Variants in IKZF1 observed in about 807,000 individuals in gnomAD.
The protein encoded by IKZF1 is DNA-binding protein Ikaros.
In IKZF1, 10 loss-of-function variants were observed where a neutral mutation model predicts 51.7. The observed-to-expected ratio is 0.19, with a 90% CI of 0.12 to 0.33. IKZF1 has a LOEUF of 0.33. Among genes scored for constraint, IKZF1 ranks in the 10% least tolerant of loss-of-function variants. The pLI is 1.00. For missense variants in IKZF1, 484 were observed against 707.5 expected (o/e 0.68, Z 3.58); for synonymous variants, 280 against 282.3 (o/e 0.99, Z 0.08).
At chr7:50,361,109 TATC>T (rs1404618681) in intron 3 of IKZF1, among the ~76,000 whole-genome samples, 6 of 152,252 alleles carry the variant, frequency 3.9e-5, no homozygotes, top group Admixed American at 6.5e-5. Flanking sequence ...AGAGCCTTCC[TATC>T]TAATCATTGT....
At chr7:50,349,341 G>A (rs757691639) in intron 3 of IKZF1, among the ~76,000 whole-genome samples, 1 of 152,206 alleles carries the variant, frequency 6.6e-6, no homozygotes, top group Non-Finnish European at 1.5e-5. Flanking sequence ...AGTAAGGAAG[G>A]TGAATAAGAA....
chr7:50,404,479 G>A lies in IKZF1; in HGVS notation c.*3852G>A. 1 of 229,918 alleles carries A rather than the reference G, an allele frequency of 4.3e-6. No individual in the cohort carries two copies. The highest frequency in any genetic ancestry group is 8.6e-6 in the Non-Finnish European group (1 of 115,864). 14.2% of individuals were successfully genotyped at this position (229,918 alleles called of 1,614,324 possible). ...TGAAGTCCACACTGGCGTAAGAGAA[G>A]GCCCAGCAGAGCAGGAATCTGCCTA... On this transcript the variant is annotated 3_prime_UTR_variant, in exon 8 of 8. Coordinates refer to ENST00000331340, the MANE Select transcript of IKZF1 (RefSeq NM_006060.6).
chr7:50,399,862 A>G, intron 7 of IKZF1, 56 bp from the exon 8 acceptor site: 1 of 1,551,260 alleles, frequency 6.4e-7, no homozygotes, highest in South Asian at 1.2e-5. Context: ...TTGCTGCCAG[A>G]CCTGACCGGT....
Position 50,400,897 on chromosome 7 carries a change from C to T in IKZF1, c.*270C>T, listed in dbSNP as rs958774267. The T allele has an allele frequency of 2.0e-6, 1 of 508,288 alleles. No homozygotes were observed. Among genetic ancestry groups the T allele is most frequent in the Non-Finnish European group, 3.5e-6 (1 of 287,048 alleles). 31.5% of individuals were successfully genotyped at this position (508,288 alleles called of 1,614,324 possible). On this transcript the variant is annotated 3_prime_UTR_variant, in exon 8 of 8. Coordinates refer to ENST00000331340, the MANE Select transcript of IKZF1 (RefSeq NM_006060.6). This position sits in a 1 kb window ranked among gnomAD's most constrained non-coding sequence, Gnocchi z 5.4. The stretch of plus-strand genomic sequence containing the variant: ...TTTCCCCAGACCGCTGGCTGAGATT[C>T]CCTCACCTGTCGCTTCCTAGAATCC...
chr7:50,311,551 A>G (rs1584378890), intron 1 of IKZF1, among the ~76,000 whole-genome samples: 1 of 152,216 alleles, frequency 6.6e-6, no homozygotes, highest in Non-Finnish European at 1.5e-5. Context: ...AGATCTAAAT[A>G]ATTTTACTTC....
At chr7:50,381,566 G>A (rs1439632288) in intron 4 of IKZF1, among the ~76,000 whole-genome samples, 1 of 152,210 alleles carries the variant, frequency 6.6e-6, no homozygotes, top group African/African-American at 2.4e-5. Flanking sequence ...GTCAGCTCCA[G>A]AATGGAGACA....
chr7:50,375,301 G>A (rs922987632), intron 3 of IKZF1, among the ~76,000 whole-genome samples: 10 of 152,154 alleles, frequency 6.6e-5, no homozygotes, highest in Non-Finnish European at 1.3e-4. Flanking sequence ...GTGCACACCT[G>A]TAGTCACAAC....
chr7:50,346,571 C>A (rs1053296480), intron 3 of IKZF1, among the ~76,000 whole-genome samples: 4 of 152,180 alleles, frequency 2.6e-5, no homozygotes, highest in African/African-American at 9.7e-5. Flanking sequence ...TTGCTGGTCT[C>A]ACTCTTCCCT....
intron 3 of IKZF1, among the ~76,000 whole-genome samples, chr7:50,370,693 C>T (rs917509843): frequency 3.3e-5 from 5 of 152,218 alleles, no homozygotes; most frequent in Non-Finnish European, 7.3e-5. Context: ...GGGCTCTTGT[C>T]CATTATCTCT....
intron 3 of IKZF1, among the ~76,000 whole-genome samples, chr7:50,344,214 A>G (rs1195327975): frequency 6.6e-6 from 1 of 152,248 alleles, no homozygotes; most frequent in African/African-American, 2.4e-5. Flanking sequence ...TTTCCTAAGT[A>G]TATGACATGT....
chr7:50,376,753 C>T lies in IKZF1; in HGVS notation c.381C>T (p.Ile127=), dbSNP rs1358802263. ...GTGATATCTGTGGGATCATTTGCAT[C>T]GGGCCCAATGTGCTCATGGTTCACA... The part of the protein sequence containing the change: ...LKCDICGIIC[I]GPNVLMVHKR... The change falls in exon 4 of 8, where the codon ATC becomes ATT. Residue 127 remains isoleucine (I), a synonymous_variant. Coordinates refer to ENST00000331340, the MANE Select transcript of IKZF1 (RefSeq NM_006060.6). The surrounding 1 kb of genome is among the most constrained non-coding windows in gnomAD (Gnocchi z 4.5). The T allele has an allele frequency of 5.0e-6, 8 of 1,613,914 alleles. No individual in the cohort carries two copies. Among genetic ancestry groups the T allele is most frequent in the Admixed American group, 1.7e-5 (1 of 60,008 alleles).
rs2153501286 is a variant in IKZF1, at chr7:50,391,834, G to A, written c.821G>A (p.Arg274His). ...LDRLASNVAK[R>H]KSSMPQKFLG... ...AGACTAGCAAGTAACGTCGCCAAAC[G>A]TAAGAGCTCTATGCCTCAGAAATTT... The change falls in exon 7 of 8, where the codon CGT becomes CAT. Residue 274 changes from arginine (R) to histidine (H), a missense_variant. This residue lies in a region of IKZF1 where 172 missense variants were observed against 192.7 expected (regional missense o/e 0.89). Coordinates refer to ENST00000331340, the MANE Select transcript of IKZF1 (RefSeq NM_006060.6). 1.2e-6 allele frequency: 2 copies of A among 1,613,742 alleles called. No homozygotes were observed. Among genetic ancestry groups the A allele is most frequent in the Non-Finnish European group, 1.7e-6 (2 of 1,179,786 alleles).
chr7:50,404,939 G>A lies in IKZF1; in HGVS notation c.*4312G>A. ...CCCGAGGAGTGGGGTAAATTTAAAA[G>A]TCAAGTTATAGTTTGGATGTTAGTA... On this transcript the variant is annotated 3_prime_UTR_variant, in exon 8 of 8. Transcript: ENST00000331340. 1 of 212,212 alleles carries A rather than the reference G, an allele frequency of 4.7e-6. No homozygotes were observed. Among genetic ancestry groups the A allele is most frequent in the Non-Finnish European group, 9.5e-6 (1 of 104,846 alleles). The allele number at this position is 212,212 out of a possible 1,614,324, so 13.1% of individuals were successfully genotyped here. A position where few individuals can be genotyped will look rare whatever the true frequency, so the allele number is the denominator to read the frequency against.
At chr7:50,345,699 A>T (rs1358253040) in intron 3 of IKZF1, among the ~76,000 whole-genome samples, 1 of 152,232 alleles carries the variant, frequency 6.6e-6, no homozygotes, top group Non-Finnish European at 1.5e-5. Context: ...AAGAAAAAAA[A>T]GGTAAAAGAT....
At chr7:50,359,444 A>G (rs936085433) in intron 3 of IKZF1, among the ~76,000 whole-genome samples, 6 of 152,064 alleles carry the variant, frequency 3.9e-5, no homozygotes, top group Admixed American at 3.3e-4. Context: ...AGGCGGGGGA[A>G]TGTGCGCAGA....
chr7:50,393,607 G>C (rs1204829307), intron 7 of IKZF1, among the ~76,000 whole-genome samples: 1 of 152,230 alleles, frequency 6.6e-6, no homozygotes, highest in Non-Finnish European at 1.5e-5. Context: ...GCCACTGGCT[G>C]AGCCAGTGGG....
chr7:50,341,145 C>CT (rs1330095012), intron 3 of IKZF1, among the ~76,000 whole-genome samples: 129,044 of 133,854 alleles, frequency 0.96, 62,289 homozygotes, highest in Middle Eastern at 0.99. Context: ...GGTATGGAGT[C>CT]TTTTTTTTTT....
At chr7:50,318,618 T>A (rs951236800) in intron 1 of IKZF1, 2 of 216,982 alleles carry the variant, frequency 9.2e-6, no homozygotes, top group African/African-American at 2.3e-5. Flanking sequence ...TTGCTGATTG[T>A]ACGCGTGTCA....
intron 3 of IKZF1, among the ~76,000 whole-genome samples, chr7:50,342,759 C>T (rs1377389636): frequency 1.3e-5 from 2 of 152,186 alleles, no homozygotes; most frequent in African/African-American, 4.8e-5. Context: ...GCGGGGCCAC[C>T]CTGGCATGTG....
Sources: allele counts gnomAD v4.1 joint callset (sites outside exome capture counted in the v4.1 genomes callset), GRCh38; gene constraint gnomAD v4.1.1; regional missense constraint gnomAD v4.1.1; non-coding constraint Gnocchi (gnomAD v3.1); transcripts MANE v1.5; gene names NCBI Gene and HGNC (gene_info 2026-07-23, HGNC 2026-07-21).